Variants in HORMAD2 observed in about 807,000 individuals in gnomAD.
HORMAD2 encodes HORMA domain-containing protein 2.
A neutral mutation model predicts 38.8 loss-of-function variants in HORMAD2; 45 were observed. That is an observed-to-expected ratio of 1.16 (90% CI 0.91 to 1.49). HORMAD2 has a LOEUF of 1.49. HORMAD2 is among the 40% of genes most tolerant of loss of function. HORMAD2 has a pLI of 0.00. For synonymous variants in HORMAD2, 126 were observed against 122.8 expected, an observed-to-expected ratio of 1.03 and a Z score of -0.17; for missense variants, 338 against 367.0, an observed-to-expected ratio of 0.92 and a Z score of 0.65.
chr22:30,135,010 A>T (rs968284047), intron 10 of HORMAD2, among the ~76,000 whole-genome samples: 1 of 152,168 alleles, frequency 6.6e-6, no homozygotes, highest in African/African-American at 2.4e-5. Flanking sequence ...AAGTTCAAAG[A>T]CATTAAGTAG....
intron 3 of HORMAD2, among the ~76,000 whole-genome samples, chr22:30,099,923 A>G (rs945637393): frequency 3.9e-5 from 6 of 151,908 alleles, no homozygotes; most frequent in Admixed American, 2.6e-4. Flanking sequence ...AAAACAAAAA[A>G]CCCAAGTACC....
chr22:30,086,541 G>A (rs1266289025), intron 1 of HORMAD2, among the ~76,000 whole-genome samples: 1 of 152,170 alleles, frequency 6.6e-6, no homozygotes, highest in Non-Finnish European at 1.5e-5. Flanking sequence ...TGAAGCCATG[G>A]TAAGAGTTTT....
chr22:30,189,141 T>C, the HORMAD2 span, among the ~76,000 whole-genome samples: 1 of 151,260 alleles, frequency 6.6e-6, no homozygotes, highest in South Asian at 2.1e-4. Context: ...ACCCGAAAAC[T>C]AAGGTCAAAT....
intron 5 of HORMAD2, among the ~76,000 whole-genome samples, chr22:30,111,152 CAAAA>C (rs548430920): frequency 1.2e-5 from 1 of 83,056 alleles, no homozygotes; most frequent in Non-Finnish European, 2.3e-5. Flanking sequence ...AAGACTCTGT[CAAAA>C]AAAAAAAAAA....
chr22:30,183,788 G>A, the HORMAD2 span, among the ~76,000 whole-genome samples: 31 of 152,270 alleles, frequency 2.0e-4, no homozygotes, highest in African/African-American at 7.5e-4. Flanking sequence ...CCAATCCTTA[G>A]TAGGTTGATA....
chr22:30,201,356 T>G, the HORMAD2 span, among the ~76,000 whole-genome samples: 2 of 151,578 alleles, frequency 1.3e-5, no homozygotes, highest in Non-Finnish European at 2.9e-5. Flanking sequence ...CTTGATTACA[T>G]CTACAAAGAC....
At chr22:30,184,928 C>G in the HORMAD2 span, 1 of 152,212 alleles carries the variant, frequency 6.6e-6, no homozygotes, top group African/African-American at 2.4e-5. Flanking sequence ...ATGGAATATT[C>G]ATTACAGTCA....
chr22:30,186,726 G>A, the HORMAD2 span, among the ~76,000 whole-genome samples: 12 of 152,104 alleles, frequency 7.9e-5, no homozygotes, highest in Admixed American at 5.2e-4. Flanking sequence ...AGTGGAGCAC[G>A]TATCACTGAA....
At chr22:30,136,434 C>T (rs868779725) in intron 10 of HORMAD2, among the ~76,000 whole-genome samples, 11 of 152,090 alleles carry the variant, frequency 7.2e-5, no homozygotes, top group Admixed American at 2.0e-4. Context: ...GAAAAAAACC[C>T]GTATTCTTTA....
upstream of HORMAD2, among the ~76,000 whole-genome samples, chr22:30,078,605 CACAAAA>C (rs2068414866): frequency 1.5e-4 from 1 of 6,616 alleles, no homozygotes; most frequent in African/African-American, 1.4e-3. Flanking sequence ...GACTCTGTCT[CACAAAA>C]AAAAAAAAAA....
intron 10 of HORMAD2, among the ~76,000 whole-genome samples, chr22:30,134,066 A>T (rs1410564549): frequency 1.3e-5 from 2 of 152,144 alleles, no homozygotes; most frequent in East Asian, 3.9e-4. Context: ...ACATTTAAAC[A>T]AGGCTACATG....
At chr22:30,102,979 G>A (rs904617506) in intron 3 of HORMAD2, among the ~76,000 whole-genome samples, 1 of 151,972 alleles carries the variant, frequency 6.6e-6, no homozygotes, top group South Asian at 2.1e-4. Flanking sequence ...AGTATAAAAA[G>A]GTAGATTTCG....
intron 10 of HORMAD2, among the ~76,000 whole-genome samples, chr22:30,152,018 A>G (rs558898530): frequency 6.6e-6 from 1 of 152,220 alleles, no homozygotes; most frequent in East Asian, 1.9e-4. Flanking sequence ...TCCTTTCCTT[A>G]CCAAATTTCT....
At chr22:30,101,998 G>A (rs528375830) in intron 3 of HORMAD2, among the ~76,000 whole-genome samples, 1 of 152,018 alleles carries the variant, frequency 6.6e-6, no homozygotes, top group African/African-American at 2.4e-5. Context: ...AGCCTGGGGG[G>A]TTAAGGCTAC....
intron 10 of HORMAD2, among the ~76,000 whole-genome samples, chr22:30,125,216 CTTTTTTTTTTT>C (rs1167990121): frequency 1.1e-4 from 5 of 43,484 alleles, no homozygotes; most frequent in Admixed American, 6.7e-4. Flanking sequence ...TTTTTCTTTT[CTTTTTTTTTTT>C]TTTTTTTTTT....
At chr22:30,106,308 G>T (rs1383508163) in intron 5 of HORMAD2, among the ~76,000 whole-genome samples, 1 of 151,974 alleles carries the variant, frequency 6.6e-6, no homozygotes, top group Non-Finnish European at 1.5e-5. Context: ...ACTTCACCCA[G>T]ACTATATATT....
chr22:30,171,663 T>C (rs1926116192), intron 10 of HORMAD2, among the ~76,000 whole-genome samples: 1 of 152,128 alleles, frequency 6.6e-6, no homozygotes, highest in African/African-American at 2.4e-5. Context: ...ATTGAACCTT[T>C]ACTATGTCAA....
upstream of HORMAD2, among the ~76,000 whole-genome samples, chr22:30,077,896 A>G (rs1292111945): frequency 2.0e-5 from 3 of 152,250 alleles, no homozygotes; most frequent in Non-Finnish European, 4.4e-5. Context: ...AATACCTTCA[A>G]TGTTCACTGA....
At chr22:30,156,761 T>A (rs2146207948) in intron 10 of HORMAD2, among the ~76,000 whole-genome samples, 1 of 152,354 alleles carries the variant, frequency 6.6e-6, no homozygotes, top group South Asian at 2.1e-4. Context: ...TCTGCAAGAT[T>A]GTCCTTGATA....
Sources: allele counts gnomAD v4.1 joint callset (sites outside exome capture counted in the v4.1 genomes callset), GRCh38; gene constraint gnomAD v4.1.1; transcripts MANE v1.5; gene names NCBI Gene and HGNC (gene_info 2026-07-23, HGNC 2026-07-21).